Variants in ABCA9 observed in about 807,000 individuals in gnomAD.
ABCA9 encodes ATP binding cassette subfamily A member 9.
ABCA9 carries 183 observed loss-of-function variants against 205.3 expected under a neutral mutation model. The observed-to-expected ratio is 0.89, with a 90% CI of 0.79 to 1.01. ABCA9 has a LOEUF of 1.01. Ranked by LOEUF, ABCA9 falls within the 50% of genes least tolerant of loss-of-function variation. ABCA9 has a pLI of 0.00. For missense variants in ABCA9, 1,805 were observed against 1,912.4 expected, an observed-to-expected ratio of 0.94 and a Z score of 1.05; for synonymous variants, 651 against 683.3, an observed-to-expected ratio of 0.95 and a Z score of 0.74.
intron 1 of ABCA9, among the ~76,000 whole-genome samples, chr17:69,058,019 G>A (rs957231172): frequency 6.6e-6 from 1 of 152,134 alleles, no homozygotes; most frequent in Non-Finnish European, 1.5e-5. Flanking sequence ...GAATAACAAC[G>A]ATGGTCTGAA....
the ABCA9 span, among the ~76,000 whole-genome samples, chr17:69,069,760 CTAAATA>C: frequency 6.6e-6 from 1 of 151,942 alleles, no homozygotes; most frequent in African/African-American, 2.4e-5. Flanking sequence ...TAATCTGCTC[CTAAATA>C]TAATCTTAAT....
rs1233957759 is a variant in ABCA9 at position 68,975,931 on chromosome 17, A to T, written c.4859T>A (p.Leu1620Gln). 1.2e-6 allele frequency: 2 copies of T among 1,612,818 alleles called. No individual in the cohort carries two copies. The highest frequency in any genetic ancestry group is 2.2e-5 in the South Asian group (2 of 90,796). ...FDPSVKWKLL[L>Q]QEEP ...TTTGGAGCTTTAAGGCTCTTCCTGC[A>T]GGAGGAGTTTCCACTTCACCGAGGG... Residue 1620 changes from leucine to glutamine, a missense_variant, in exon 39 of 39, where the codon CTG becomes CAG. Coordinates refer to ENST00000340001, the MANE Select transcript of ABCA9 (RefSeq NM_080283.4).
At chr17:69,006,351 A>C (rs1467600911) in intron 25 of ABCA9, among the ~76,000 whole-genome samples, 3 of 152,240 alleles carry the variant, frequency 2.0e-5, no homozygotes, top group Non-Finnish European at 4.4e-5. Context: ...AGTTCATGGC[A>C]GTGTTATTTA....
At chr17:69,060,151 A>G (rs1326359187) in intron 1 of ABCA9, among the ~76,000 whole-genome samples, 1 of 152,148 alleles carries the variant, frequency 6.6e-6, no homozygotes, top group East Asian at 1.9e-4. Flanking sequence ...TTTTCCCCCC[A>G]CTGAACATCT....
intron 25 of ABCA9, among the ~76,000 whole-genome samples, chr17:69,000,474 C>T (rs2069816522): frequency 6.6e-6 from 1 of 151,720 alleles, no homozygotes; most frequent in African/African-American, 2.4e-5. Context: ...CTGTTCTGTT[C>T]CATTGATCTA....
At chr17:69,063,051 C>T (rs118127780), upstream of ABCA9, among the ~76,000 whole-genome samples, 2,710 of 152,074 alleles carry the variant, frequency 0.018, 32 homozygotes, top group Middle Eastern at 0.044. Context: ...AAGGTGAGGC[C>T]CAGGGAGTTA....
At chr17:69,033,694 T>C in intron 9 of ABCA9, 32 bp downstream of exon 9, 1 of 1,541,384 alleles carries the variant, frequency 6.5e-7, no homozygotes, top group East Asian at 2.3e-5. Flanking sequence ...ATTATTGAAA[T>C]TGTGTTAAAT....
At chr17:69,016,429 G>A in intron 21 of ABCA9, 39 bp from the exon 22 acceptor site, 2 of 1,512,470 alleles carry the variant, frequency 1.3e-6, no homozygotes, top group Admixed American at 2.3e-5. Context: ...TCTTCATAAA[G>A]CAAAGACAAA....
intron 9 of ABCA9, 46 bp from the exon 10 acceptor site, chr17:69,032,322 A>G: frequency 6.4e-7 from 1 of 1,571,318 alleles, no homozygotes; most frequent in Non-Finnish European, 8.7e-7. Flanking sequence ...TCATCGCTTC[A>G]AGGATTCCAT....
chr17:69,055,900 A>T (rs2072055720), intron 1 of ABCA9, among the ~76,000 whole-genome samples: 1 of 152,176 alleles, frequency 6.6e-6, no homozygotes, highest in Non-Finnish European at 1.5e-5. Flanking sequence ...GGTTAAACAC[A>T]CTTCTAAATA....
chr17:69,040,519 A>T (rs2071496768), intron 6 of ABCA9, among the ~76,000 whole-genome samples: 1 of 152,204 alleles, frequency 6.6e-6, no homozygotes, highest in African/African-American at 2.4e-5. Context: ...ACATATGGGC[A>T]CAGGGAGAGG....
At chr17:69,013,299 C>CATTGCAAGTCATCTGGTA (rs2070452667) in intron 22 of ABCA9, among the ~76,000 whole-genome samples, 1 of 152,134 alleles carries the variant, frequency 6.6e-6, no homozygotes, top group Non-Finnish European at 1.5e-5. Flanking sequence ...TACCTCACTA[C>CATTGCAAGTCATCTGGTA]ATTGCAAGTC....
At chr17:69,053,547 A>G (rs2071975162) in intron 1 of ABCA9, among the ~76,000 whole-genome samples, 1 of 152,246 alleles carries the variant, frequency 6.6e-6, no homozygotes, top group Admixed American at 6.5e-5. Context: ...ATATTAAAAA[A>G]TACTATCAGA....
rs2071013989 is a variant in ABCA9, at chr17:69,027,002, A to T, written c.2024T>A (p.Phe675Tyr). The T allele has an allele frequency of 6.2e-7, 1 of 1,614,082 alleles. No homozygotes were observed. Residue 675 changes from phenylalanine to tyrosine, a missense_variant, in exon 15 of 39, where the codon TTT becomes TAT. Coordinates refer to ENST00000340001, the MANE Select transcript of ABCA9 (RefSeq NM_080283.4). ...CGCCAGAATGTCAGCCTCATCTATAAACTGGGTGCTGAAGAGAATTACTCT... is the reference window on the plus strand; with the variant it reads ...CGCCAGAATGTCAGCCTCATCTATATACTGGGTGCTGAAGAGAATTACTCT... ...SDRVILFSTQ[F>Y]IDEADILADR...
At chr17:68,988,440 C>T (rs1441458035) in intron 31 of ABCA9, among the ~76,000 whole-genome samples, 1 of 152,098 alleles carries the variant, frequency 6.6e-6, no homozygotes, top group African/African-American at 2.4e-5. Context: ...TTCAGTGTAT[C>T]TGCAATAATA....
chr17:69,029,036 A>T, intron 11 of ABCA9, 133 bp downstream of exon 11: 1 of 461,920 alleles, frequency 2.2e-6, no homozygotes, highest in African/African-American at 2.0e-5. Context: ...TTTTACATTG[A>T]AGGAAACATA....
intron 22 of ABCA9, among the ~76,000 whole-genome samples, chr17:69,014,986 T>A (rs762051583): frequency 6.6e-6 from 1 of 152,092 alleles, no homozygotes; most frequent in Non-Finnish European, 1.5e-5. Context: ...GGTGACCACA[T>A]ACGTAGAAAC....
intron 8 of ABCA9, 66 bp downstream of exon 8, chr17:69,035,180 G>T (rs2071290633): frequency 1.6e-6 from 2 of 1,286,606 alleles, no homozygotes; most frequent in African/African-American, 3.0e-5. Flanking sequence ...CATGTTGTGT[G>T]AATTATTAAG....
At chr17:69,059,032 G>A (rs565020967) in intron 1 of ABCA9, among the ~76,000 whole-genome samples, 4 of 152,116 alleles carry the variant, frequency 2.6e-5, no homozygotes, top group East Asian at 3.9e-4. Context: ...ATCAGATCTC[G>A]TGAGACTTGA....
Sources: gnomAD v4.1 joint callset for allele counts (sites outside exome capture counted in the v4.1 genomes callset) on GRCh38, gnomAD v4.1.1 for gene constraint, MANE v1.5 for transcripts, NCBI Gene and HGNC (gene_info 2026-07-23, HGNC 2026-07-21) for gene names.